CDH12: variants seen among roughly 807,000 people sequenced by gnomAD.
The protein encoded by CDH12 is cadherin 12.
In CDH12, 41 loss-of-function variants were observed where a neutral mutation model predicts 74.1. The ratio of observed to expected loss-of-function variants is 0.55; its 90% CI spans 0.43 to 0.72. The LOEUF is 0.72. Among genes scored for constraint, CDH12 ranks in the 30% least tolerant of loss-of-function variants. The probability of loss-of-function intolerance (pLI) is 0.00; values close to 1 mark genes in which losing one functional copy is unlikely to be tolerated. For synonymous variants in CDH12, 399 were observed against 355.0 expected (o/e 1.12, Z -1.39); for missense variants, 945 against 977.2 (o/e 0.97, Z 0.44).
intron 1 of CDH12, among the ~76,000 whole-genome samples, chr5:22,584,871 C>T (rs1392527354): frequency 6.6e-6 from 1 of 152,054 alleles, no homozygotes; most frequent in Non-Finnish European, 1.5e-5. Flanking sequence ...CACAAATTAC[C>T]TTGAACTCTT....
At chr5:22,651,657 C>G (rs1380185987) in intron 1 of CDH12, among the ~76,000 whole-genome samples, 1 of 150,756 alleles carries the variant, frequency 6.6e-6, no homozygotes, top group Non-Finnish European at 1.5e-5. Flanking sequence ...GGTGGAGACA[C>G]AAAGCCTAAC....
chr5:21,937,698 C>A (rs1420137594), intron 6 of CDH12, among the ~76,000 whole-genome samples: 1 of 152,172 alleles, frequency 6.6e-6, no homozygotes, highest in African/African-American at 2.4e-5. Context: ...ATAAACTTGA[C>A]CAAGTGGGTC....
At chr5:22,443,176 GATC>G (rs1346077006) in intron 2 of CDH12, among the ~76,000 whole-genome samples, 1 of 152,102 alleles carries the variant, frequency 6.6e-6, no homozygotes, top group African/African-American at 2.4e-5. Flanking sequence ...TCTAGATAAA[GATC>G]ATCATCATAG....
intron 1 of CDH12, among the ~76,000 whole-genome samples, chr5:22,527,802 G>A (rs1322021844): frequency 1.3e-5 from 2 of 152,090 alleles, no homozygotes; most frequent in African/African-American, 4.8e-5. Flanking sequence ...TAGGCATTTC[G>A]ATTTGCTCAC....
At chr5:22,520,534 C>G (rs2126684507) in intron 1 of CDH12, among the ~76,000 whole-genome samples, 1 of 152,022 alleles carries the variant, frequency 6.6e-6, no homozygotes. Context: ...ATGAATAATA[C>G]AGCCATGGAG....
intron 1 of CDH12, among the ~76,000 whole-genome samples, chr5:22,670,636 T>C (rs183072520): frequency 6.6e-6 from 1 of 152,264 alleles, no homozygotes; most frequent in Admixed American, 6.5e-5. Flanking sequence ...ACTGGCTATT[T>C]CTATAATAAA....
intron 1 of CDH12, among the ~76,000 whole-genome samples, chr5:22,594,637 A>G (rs1023805417): frequency 2.6e-5 from 4 of 152,296 alleles, no homozygotes; most frequent in Admixed American, 2.6e-4. Context: ...AAGTCTCTAC[A>G]AACAGCTGAA....
chr5:22,483,525 T>G (rs961545042), intron 2 of CDH12, among the ~76,000 whole-genome samples: 3 of 150,808 alleles, frequency 2.0e-5, no homozygotes, highest in African/African-American at 7.3e-5. Flanking sequence ...GGCTTGTTAC[T>G]CTAAGACCAT....
intron 1 of CDH12, among the ~76,000 whole-genome samples, chr5:22,584,028 G>C (rs980414732): frequency 6.6e-6 from 1 of 151,276 alleles, no homozygotes; most frequent in Non-Finnish European, 1.5e-5. Context: ...TTATCTAGTT[G>C]CTTTTTTTTG....
intron 1 of CDH12, among the ~76,000 whole-genome samples, chr5:22,782,558 T>C (rs1439120043): frequency 6.6e-6 from 1 of 152,168 alleles, no homozygotes; most frequent in Non-Finnish European, 1.5e-5. Flanking sequence ...CTTTTATTTA[T>C]AAACTACCCA....
chr5:22,308,937 G>T (rs896119695), intron 3 of CDH12, among the ~76,000 whole-genome samples: 1 of 19,830 alleles, frequency 5.0e-5, no homozygotes, highest in African/African-American at 9.6e-5. Flanking sequence ...GAGAGAAAGA[G>T]AGAGAGAGAG....
intron 4 of CDH12, among the ~76,000 whole-genome samples, chr5:22,107,283 C>G (rs1448233475): frequency 1.3e-5 from 2 of 149,906 alleles, no homozygotes; most frequent in African/African-American, 2.4e-5. Flanking sequence ...AGGCGCCCAC[C>G]ACCATGCCTG....
intron 10 of CDH12, among the ~76,000 whole-genome samples, chr5:21,790,461 C>A (rs1338214577): frequency 6.6e-6 from 1 of 152,038 alleles, no homozygotes; most frequent in Non-Finnish European, 1.5e-5. Context: ...TTAACCACCA[C>A]TGAGATGCAA....
intron 9 of CDH12, 103 bp downstream of exon 9, chr5:21,816,842 C>T (rs540142045): frequency 1.0e-5 from 8 of 801,972 alleles, no homozygotes; most frequent in Admixed American, 2.8e-5. Context: ...AACTCTATTG[C>T]TAATTGAAGG....
intron 2 of CDH12, among the ~76,000 whole-genome samples, chr5:22,411,804 TTAGAGGA>T (rs1743181829): frequency 6.6e-6 from 1 of 151,966 alleles, no homozygotes; most frequent in South Asian, 2.1e-4. Context: ...AATAATCATT[TTAGAGGA>T]TAGGTTTGTG....
intron 1 of CDH12, among the ~76,000 whole-genome samples, chr5:22,602,638 G>T (rs1736905944): frequency 6.6e-6 from 1 of 152,036 alleles, no homozygotes; most frequent in Admixed American, 6.6e-5. Context: ...AATTAATATA[G>T]AATACTATAT....
chr5:22,037,387 C>T (rs1461334878), intron 5 of CDH12, among the ~76,000 whole-genome samples: 1 of 152,156 alleles, frequency 6.6e-6, no homozygotes, highest in Non-Finnish European at 1.5e-5. Flanking sequence ...CTGGGAAAGA[C>T]TGTGGGCCAC....
chr5:22,422,402 A>T (rs1221555110), intron 2 of CDH12, among the ~76,000 whole-genome samples: 1 of 151,996 alleles, frequency 6.6e-6, no homozygotes, highest in Non-Finnish European at 1.5e-5. Flanking sequence ...ATTAATTTGC[A>T]TATGTTGAAC....
chr5:22,273,331 T>C (rs1222485969), intron 3 of CDH12, among the ~76,000 whole-genome samples: 2 of 152,232 alleles, frequency 1.3e-5, no homozygotes, highest in Admixed American at 1.3e-4. Context: ...GTTGGAAATA[T>C]GGTGCTGATA....
Sources: gnomAD v4.1 joint callset for allele counts (sites outside exome capture counted in the v4.1 genomes callset) on GRCh38, gnomAD v4.1.1 for gene constraint, MANE v1.5 for transcripts, NCBI Gene and HGNC (gene_info 2026-07-23, HGNC 2026-07-21) for gene names.